SDCCAG8: variants seen among roughly 807,000 people sequenced by gnomAD.
The protein encoded by SDCCAG8 is serologically defined colon cancer antigen 8.
Under a neutral mutation model 101.8 loss-of-function variants are expected in SDCCAG8, and 74 were observed. The observed-to-expected ratio is 0.73, with a 90% CI of 0.60 to 0.88. SDCCAG8 has a LOEUF of 0.88. Ranked by LOEUF, SDCCAG8 falls within the 40% of genes least tolerant of loss-of-function variation. The pLI, the probability that SDCCAG8 is intolerant of heterozygous loss-of-function variation, is 0.00. For synonymous variants in SDCCAG8, 281 were observed against 292.9 expected, an observed-to-expected ratio of 0.96 and a Z score of 0.41; for missense variants, 787 against 822.6, an observed-to-expected ratio of 0.96 and a Z score of 0.53.
intron 13 of SDCCAG8, among the ~76,000 whole-genome samples, chr1:243,397,358 A>AT (rs987015891): frequency 3.3e-5 from 5 of 152,120 alleles, no homozygotes; most frequent in Admixed American, 1.3e-4. Context: ...AAAGTTGTTT[A>AT]TTTTTTTAAG....
chr1:243,270,295 A>G (rs769570949), intron 2 of SDCCAG8, 38 bp downstream of exon 2: 1 of 1,593,194 alleles, frequency 6.3e-7, no homozygotes, highest in Non-Finnish European at 8.6e-7. Flanking sequence ...AATGATGCAT[A>G]GTGAATTTTT....
chr1:243,463,573 A>G (rs1042130716), intron 16 of SDCCAG8, among the ~76,000 whole-genome samples: 3 of 152,178 alleles, frequency 2.0e-5, no homozygotes, highest in African/African-American at 7.2e-5. Context: ...GCTTCCTGTA[A>G]TGCCTAATAT....
chr1:243,460,690 A>G (rs1174087517), intron 16 of SDCCAG8, among the ~76,000 whole-genome samples: 1 of 152,236 alleles, frequency 6.6e-6, no homozygotes, highest in African/African-American at 2.4e-5. Flanking sequence ...AATACTGGAG[A>G]TGGGCATTGA....
chr1:243,493,257 G>C (rs1484528567), intron 17 of SDCCAG8, among the ~76,000 whole-genome samples: 2 of 151,870 alleles, frequency 1.3e-5, no homozygotes, highest in Non-Finnish European at 1.5e-5. Flanking sequence ...GGGTGAGGGT[G>C]GTGGGTCTCA....
intron 16 of SDCCAG8, among the ~76,000 whole-genome samples, chr1:243,446,610 G>C (rs1267342297): frequency 6.6e-6 from 1 of 152,106 alleles, no homozygotes. Flanking sequence ...CAGAAGAAAG[G>C]GAACTTTATC....
At chr1:243,462,156 G>A (rs1293512453) in intron 16 of SDCCAG8, among the ~76,000 whole-genome samples, 1 of 152,186 alleles carries the variant, frequency 6.6e-6, no homozygotes, top group Non-Finnish European at 1.5e-5. Context: ...AAGGTTTGGA[G>A]GCCAGGCCGA....
intron 4 of SDCCAG8, among the ~76,000 whole-genome samples, chr1:243,284,678 CAGTT>C (rs1262520354): frequency 4.6e-5 from 7 of 152,270 alleles, no homozygotes; most frequent in Middle Eastern, 3.4e-3. Flanking sequence ...GCCCTCCAGT[CAGTT>C]AGGCTCTGGT....
chr1:243,399,927 C>T (rs1042775364), intron 13 of SDCCAG8, among the ~76,000 whole-genome samples: 11 of 152,158 alleles, frequency 7.2e-5, no homozygotes, highest in Admixed American at 4.6e-4. Context: ...GTAGATTCTG[C>T]CATAAGCCCC....
chr1:243,425,007 C>T (rs1418539406), intron 15 of SDCCAG8, among the ~76,000 whole-genome samples: 1 of 151,968 alleles, frequency 6.6e-6, no homozygotes, highest in East Asian at 1.9e-4. Context: ...TTTATCATAA[C>T]TGCCTCTAAA....
intron 12 of SDCCAG8, among the ~76,000 whole-genome samples, chr1:243,376,749 T>C (rs1162039418): frequency 6.6e-6 from 1 of 152,162 alleles, no homozygotes; most frequent in African/African-American, 2.4e-5. Context: ...CCACTCCTCA[T>C]GTCTGGAATA....
chr1:243,352,135 A>G (rs541861033), intron 12 of SDCCAG8, among the ~76,000 whole-genome samples: 1 of 152,344 alleles, frequency 6.6e-6, no homozygotes, highest in African/African-American at 2.4e-5. Flanking sequence ...TAACATAATA[A>G]TTTATTTTAC....
At chr1:243,295,058 C>CTCTT (rs1484687337) in intron 6 of SDCCAG8, among the ~76,000 whole-genome samples, 1 of 151,990 alleles carries the variant, frequency 6.6e-6, no homozygotes, top group East Asian at 1.9e-4. Flanking sequence ...AAAGAGTATC[C>CTCTT]TTCTTCAAAA....
intron 16 of SDCCAG8, among the ~76,000 whole-genome samples, chr1:243,488,762 A>T (rs1665640684): frequency 6.6e-6 from 1 of 151,630 alleles, no homozygotes; most frequent in South Asian, 2.1e-4. Context: ...TACTTACCCC[A>T]CTTATCTGCG....
intron 16 of SDCCAG8, among the ~76,000 whole-genome samples, chr1:243,487,275 CT>C (rs140694402): frequency 0.012 from 1,822 of 152,328 alleles, 30 homozygotes; most frequent in African/African-American, 0.041. Flanking sequence ...GGGCCCCCCC[CT>C]GGGGCCTTGC....
rs2068614137 is a variant in SDCCAG8, at chr1:243,276,835, C to T, written c.420+2179C>T. ...CCCTTCCCTCCCATCCCCTGGCAAC[C>T]ATTGATCTTTTTACTCTCTCCATAG... On this transcript the variant is annotated intron_variant, in intron 4 of 17. Coordinates refer to ENST00000366541, the MANE Select transcript of SDCCAG8 (RefSeq NM_006642.5). 2.0e-5 allele frequency among the ~76,000 whole-genome samples: 3 copies of T among 152,098 alleles called. No homozygotes were observed. In the South Asian group the frequency reaches 6.2e-4, roughly 31 times the overall value.
chr1:243,313,152 G>C (rs2072914700), intron 8 of SDCCAG8, among the ~76,000 whole-genome samples: 1 of 152,170 alleles, frequency 6.6e-6, no homozygotes, highest in African/African-American at 2.4e-5. Context: ...GCTCTGCATA[G>C]CTGGCTTTAA....
chr1:243,404,207 C>T (rs1349080388), intron 13 of SDCCAG8, among the ~76,000 whole-genome samples: 1 of 152,116 alleles, frequency 6.6e-6, no homozygotes, highest in Non-Finnish European at 1.5e-5. Context: ...GCACAAAGTC[C>T]TCAGTTTGGA....
intron 9 of SDCCAG8, among the ~76,000 whole-genome samples, chr1:243,318,882 T>G (rs1335808773): frequency 6.6e-6 from 1 of 152,220 alleles, no homozygotes; most frequent in Non-Finnish European, 1.5e-5. Flanking sequence ...GAAATTAAGC[T>G]ACCGCTCTGT....
intron 16 of SDCCAG8, among the ~76,000 whole-genome samples, chr1:243,464,668 G>C (rs985284288): frequency 6.6e-6 from 1 of 152,212 alleles, no homozygotes; most frequent in African/African-American, 2.4e-5. Flanking sequence ...AGCCTTCGCA[G>C]ACTAACTAAG....
Sources: gnomAD v4.1 joint callset for allele counts (sites outside exome capture counted in the v4.1 genomes callset) on GRCh38, gnomAD v4.1.1 for gene constraint, MANE v1.5 for transcripts, NCBI Gene and HGNC (gene_info 2026-07-23, HGNC 2026-07-21) for gene names.